PTPRD: variants seen among roughly 807,000 people sequenced by gnomAD.
The protein encoded by PTPRD is receptor-type tyrosine-protein phosphatase delta.
In PTPRD, 34 loss-of-function variants were observed where a neutral mutation model predicts 214.5. That is an observed-to-expected ratio of 0.16 (90% CI 0.12 to 0.21). The LOEUF is 0.21. Among genes scored for constraint, PTPRD ranks in the 10% least tolerant of loss-of-function variants. The pLI, the probability that PTPRD is intolerant of heterozygous loss-of-function variation, is 1.00. For missense variants in PTPRD, 2,545 were observed against 2,398.7 expected, an observed-to-expected ratio of 1.06 and a Z score of -1.27; for synonymous variants, 1,128 against 845.7, an observed-to-expected ratio of 1.33 and a Z score of -5.79.
At chr9:9,576,518 A>C (rs9407428) in intron 7 of PTPRD, among the ~76,000 whole-genome samples, 4 of 151,932 alleles carry the variant, frequency 2.6e-5, no homozygotes, top group Non-Finnish European at 4.4e-5. Flanking sequence ...CCTCTCAAAA[A>C]AATCTAGTGT....
intron 3 of PTPRD, among the ~76,000 whole-genome samples, chr9:10,229,672 T>C (rs920998880): frequency 4.2e-5 from 6 of 142,064 alleles, no homozygotes; most frequent in African/African-American, 1.6e-4. Flanking sequence ...TGGACATAGA[T>C]TGGGGAACAT....
chr9:10,424,183 G>A (rs2098587859), intron 2 of PTPRD, among the ~76,000 whole-genome samples: 1 of 151,940 alleles, frequency 6.6e-6, no homozygotes, highest in South Asian at 2.1e-4. Flanking sequence ...ATTAACATTA[G>A]ATGAAAATGG....
chr9:10,220,084 C>T (rs890074265), intron 3 of PTPRD, among the ~76,000 whole-genome samples: 7 of 151,726 alleles, frequency 4.6e-5, no homozygotes, highest in Admixed American at 2.6e-4. Context: ...TACCTATTAA[C>T]GTGTTTATCT....
chr9:9,649,550 T>G (rs991833846), intron 7 of PTPRD, among the ~76,000 whole-genome samples: 3 of 152,082 alleles, frequency 2.0e-5, no homozygotes, highest in African/African-American at 7.2e-5. Flanking sequence ...TAAAAAGAAA[T>G]AAAAGGCAAA....
chr9:8,777,052 C>A (rs942671036), intron 11 of PTPRD, among the ~76,000 whole-genome samples: 1 of 138,684 alleles, frequency 7.2e-6, no homozygotes, highest in African/African-American at 2.7e-5. Context: ...AGGATCACGG[C>A]TCACTGCTGC....
chr9:8,877,538 T>C (rs1338586704), intron 11 of PTPRD, among the ~76,000 whole-genome samples: 1 of 152,186 alleles, frequency 6.6e-6, no homozygotes, highest in Non-Finnish European at 1.5e-5. Flanking sequence ...CATATTATCT[T>C]TTTGTTATTT....
intron 2 of PTPRD, among the ~76,000 whole-genome samples, chr9:10,530,536 AAAAGGTAGT>A (rs1566765753): frequency 1.3e-5 from 2 of 152,148 alleles, no homozygotes; most frequent in South Asian, 4.1e-4. Context: ...AGAAGTCAAT[AAAAGGTAGT>A]AACTGATCCC....
At chr9:9,602,387 G>A (rs745897691) in intron 7 of PTPRD, among the ~76,000 whole-genome samples, 13 of 151,802 alleles carry the variant, frequency 8.6e-5, no homozygotes, top group African/African-American at 3.1e-4. Context: ...TTAAAGCAAT[G>A]GTCATTTAAA....
chr9:8,448,161 CA>C (rs1433897339), intron 34 of PTPRD, among the ~76,000 whole-genome samples: 3 of 150,940 alleles, frequency 2.0e-5, no homozygotes, highest in African/African-American at 4.9e-5. Context: ...TCCACCTCCA[CA>C]AAAATAAAAA....
chr9:9,944,369 T>A (rs920193362), intron 4 of PTPRD, among the ~76,000 whole-genome samples: 36 of 152,086 alleles, frequency 2.4e-4, no homozygotes, highest in African/African-American at 8.7e-4. Context: ...ATTTTTTGAG[T>A]ATCTACTATG....
chr9:9,916,720 C>G (rs1406679505), intron 5 of PTPRD, among the ~76,000 whole-genome samples: 1 of 151,920 alleles, frequency 6.6e-6, no homozygotes, highest in Non-Finnish European at 1.5e-5. Context: ...TTAAACTTCA[C>G]CATAGAACAA....
At chr9:8,589,363 G>A (rs552957170) in intron 14 of PTPRD, among the ~76,000 whole-genome samples, 16 of 152,104 alleles carry the variant, frequency 1.1e-4, no homozygotes, top group South Asian at 2.1e-4. Flanking sequence ...TATGGTTCTC[G>A]TAAGTCCTGG....
chr9:10,195,707 G>A (rs1047388730), intron 3 of PTPRD, among the ~76,000 whole-genome samples: 3 of 151,984 alleles, frequency 2.0e-5, no homozygotes, highest in Admixed American at 6.6e-5. Context: ...TACCAAATAA[G>A]ATAAAAAAAT....
intron 7 of PTPRD, among the ~76,000 whole-genome samples, chr9:9,702,047 G>T (rs2097515677): frequency 6.6e-6 from 1 of 152,064 alleles, no homozygotes; most frequent in Non-Finnish European, 1.5e-5. Context: ...TTGAACATGG[G>T]AGGCAGAGGT....
At chr9:10,486,567 A>G (rs1358285069) in intron 2 of PTPRD, among the ~76,000 whole-genome samples, 1 of 152,074 alleles carries the variant, frequency 6.6e-6, no homozygotes, top group Non-Finnish European at 1.5e-5. Context: ...TTATTGGCCC[A>G]TTGGTAATTA....
At chr9:9,405,876 T>G (rs1458272529) in intron 8 of PTPRD, among the ~76,000 whole-genome samples, 2 of 152,008 alleles carry the variant, frequency 1.3e-5, no homozygotes, top group African/African-American at 4.8e-5. Flanking sequence ...TTCTCTTTCT[T>G]GAGATAATTT....
At chr9:8,791,722 C>T (rs544313988) in intron 11 of PTPRD, among the ~76,000 whole-genome samples, 106 of 151,844 alleles carry the variant, frequency 7.0e-4, no homozygotes, top group African/African-American at 2.5e-3. Flanking sequence ...AAGAAAGGAA[C>T]GTGAGATGAC....
intron 5 of PTPRD, among the ~76,000 whole-genome samples, chr9:9,935,231 C>G (rs369959460): frequency 1.5e-4 from 23 of 151,808 alleles, no homozygotes; most frequent in Non-Finnish European, 3.1e-4. Context: ...CCAGGGCAAT[C>G]AGGCAGGAGA....
At chr9:10,078,197 T>C (rs559024809) in intron 3 of PTPRD, among the ~76,000 whole-genome samples, 4 of 151,686 alleles carry the variant, frequency 2.6e-5, no homozygotes, top group African/African-American at 9.7e-5. Flanking sequence ...TTATGCAAAA[T>C]CATAGATCTC....
Sources: allele counts gnomAD v4.1 joint callset (sites outside exome capture counted in the v4.1 genomes callset), GRCh38; gene constraint gnomAD v4.1.1; transcripts MANE v1.5; gene names NCBI Gene and HGNC (gene_info 2026-07-23, HGNC 2026-07-21).